Variants in PLCH2 observed in about 807,000 individuals in gnomAD.
The protein encoded by PLCH2 is phospholipase C eta 2.
In PLCH2, 98 loss-of-function variants were observed where a neutral mutation model predicts 134.7. That is an observed-to-expected ratio of 0.73 (90% CI 0.62 to 0.86). PLCH2 has a LOEUF of 0.86. PLCH2 is among the 40% of genes least tolerant of loss of function. PLCH2 has a pLI of 0.00. For missense variants in PLCH2, 1,994 were observed against 1,986.6 expected (o/e 1.00, Z -0.07); for synonymous variants, 974 against 827.5 (o/e 1.18, Z -3.04).
At chr1:2,481,297 G>T (rs1479544179) in intron 4 of PLCH2, among the ~76,000 whole-genome samples, 1 of 152,232 alleles carries the variant, frequency 6.6e-6, no homozygotes, top group Non-Finnish European at 1.5e-5. Context: ...ACACTCTGGG[G>T]ACTGCCCGGG....
Position 2,451,748 on chromosome 1 carries a change from G to A in PLCH2, c.115+21119G>A, listed in dbSNP as rs1320376270. Among the ~76,000 whole-genome samples, 5 of 152,176 alleles carry A rather than the reference G, an allele frequency of 3.3e-5. 1 individual carries two copies. Among genetic ancestry groups the A allele is most frequent in the Non-Finnish European group, 7.3e-5 (5 of 68,030 alleles). The stretch of plus-strand genomic sequence containing the variant: ...AATGGGACCCCTCCCTGGGGGCTGG[G>A]CAGCGAGTTGGCCCCACCGGCCTGG... On this transcript the variant is annotated intron_variant, in intron 2 of 3. Transcript: ENST00000609981.
Position 2,489,864 on chromosome 1 carries a change from G to A in PLCH2, c.1512G>A (p.Gly504=), listed in dbSNP as rs1642474347. The A allele has an allele frequency of 6.2e-7, 1 of 1,608,388 alleles. No individual in the cohort carries two copies. The change falls in exon 10 of 22, where the codon GGG becomes GGA. Residue 504 remains glycine, a synonymous_variant. Coordinates refer to ENST00000378486, the MANE Select transcript of PLCH2 (RefSeq NM_014638.4). ...ACGATGACTGCAAGCTCCTCAATGGGGATGTGAGTCGGGCTGGAGGTGGAG... is the reference window on the plus strand; with the variant it reads ...ACGATGACTGCAAGCTCCTCAATGGAGATGTGAGTCGGGCTGGAGGTGGAG... The part of the protein sequence containing the change: ...EIDDDCKLLN[G]DASTNRKRVE...
In PLCH2 at chr1:2,476,349, G is replaced by A. The variant is rs1484683494; in HGVS notation, c.-240G>A. The A allele has an allele frequency of 9.2e-6, 4 of 433,976 alleles. No homozygotes were observed. Among genetic ancestry groups the A allele is most frequent in the Non-Finnish European group, 1.6e-5 (4 of 246,942 alleles). 26.9% of individuals were successfully genotyped at this position (433,976 alleles called of 1,614,324 possible). ...TCAGGGATTCCTTGGTGGCCCTGGA[G>A]GGTGGATAGGCTGGCCTGGGGGCCA... On this transcript the variant is annotated 5_prime_UTR_variant, in exon 1 of 22. Transcript: ENST00000378486.
chr1:2,481,667 C>T (rs924902064), intron 4 of PLCH2, among the ~76,000 whole-genome samples: 5 of 152,236 alleles, frequency 3.3e-5, no homozygotes, highest in African/African-American at 4.8e-5. Context: ...AGGGCTGGCT[C>T]TGGAGAGGAA....
Position 2,484,452 on chromosome 1 carries a change from C to A in PLCH2, c.650C>A (p.Ala217Glu). 6.2e-7 allele frequency: 1 copy of A among 1,612,996 alleles called. No homozygotes were observed. Among genetic ancestry groups the A allele is most frequent in the South Asian group, 1.1e-5 (1 of 91,066 alleles). Residue 217 changes from alanine to glutamate, a missense_variant, in exon 5 of 22, where the codon GCG becomes GAG. Coordinates refer to ENST00000378486, the MANE Select transcript of PLCH2 (RefSeq NM_014638.4). ...ACCCAAGGCCTTGCATTGCAGGAAG[C>A]GGACACGGATGACCACCAAGGGACG... is the stretch of plus-strand genomic sequence containing the variant. ...RQRVKQMFRE[A>E]DTDDHQGTLG...
Position 2,477,929 on chromosome 1 carries a change from C to T in PLCH2, c.125-547C>T, listed in dbSNP as rs375531202. Among the ~76,000 whole-genome samples, 56 of 152,290 alleles carry T rather than the reference C, an allele frequency of 3.7e-4. No homozygotes were observed. The East Asian group carries it at 3.9e-3, about 10-fold the overall frequency. Reference sequence around the variant, plus strand: ...CCCAGGAGCCACCTGTGGCCAGGGGCGGGGGCAGGGGCATGGGGTTGCTGC... The same window carrying T: ...CCCAGGAGCCACCTGTGGCCAGGGGTGGGGGCAGGGGCATGGGGTTGCTGC... On this transcript the variant is annotated intron_variant, in intron 1 of 21. Transcript: ENST00000378486.
Position 2,487,721 on chromosome 1 carries a change from G to A in PLCH2, c.1235+3G>A. ...AAATATGCCTTCATCAAGAATGAGT[G>A]AGTGGCTGGGCCTAGCGGGGCTGGC... On this transcript the variant is annotated splice_donor_region_variant and intron_variant, in intron 8 of 21. Transcript: ENST00000378486. 6.2e-7 allele frequency: 1 copy of A among 1,612,570 alleles called. No homozygotes were observed. Among genetic ancestry groups the A allele is most frequent in the East Asian group, 2.2e-5 (1 of 44,884 alleles).
rs537201468 is a variant in PLCH2 at position 2,429,422 on chromosome 1, AAAAGGTG to A, written c.-177-915_-177-909del. On this transcript the variant is annotated intron_variant, in intron 1 of 3. Coordinates refer to the PLCH2 transcript ENST00000609981. ...CCTCCCTGAGGGGCAGGCACCAAGG[AAAAGGTG>A]GCCAGAAAGGCTCTGAAAGGAGCTG... Among the ~76,000 whole-genome samples the A allele has an allele frequency of 3.2e-4, 48 of 152,198 alleles. 1 individual carries two copies. In the South Asian group the frequency reaches 7.7e-3, roughly 24 times the overall value.
chr1:2,446,579 A>G (rs893064087), intron 2 of PLCH2, among the ~76,000 whole-genome samples: 2 of 152,244 alleles, frequency 1.3e-5, no homozygotes, highest in Non-Finnish European at 2.9e-5. Flanking sequence ...TTGGAGGCAG[A>G]GGGAGGAAGG....
At chr1:2,435,454 T>TGGCTGGAGGCTGGAGGCTGGA (rs58056215) in intron 2 of PLCH2, among the ~76,000 whole-genome samples, 1 of 150,738 alleles carries the variant, frequency 6.6e-6, no homozygotes, top group Non-Finnish European at 1.5e-5. Flanking sequence ...AGGTTCCAAA[T>TGGCTGGAGGCTGGAGGCTGGA]GGCTGGAGGC....
chr1:2,453,875 G>A lies in PLCH2; in HGVS notation c.115+23246G>A, dbSNP rs1640360499. 3.3e-5 allele frequency among the ~76,000 whole-genome samples: 5 copies of A among 152,188 alleles called. No homozygotes were observed. In the South Asian group the frequency reaches 1.0e-3, roughly 32 times the overall value. ...CCAGGACTTTGGGCAACGGTGGCGGGGGCTGCTGGAGGGGCCTGGCCTGCG... is the reference window on the plus strand; with the variant it reads ...CCAGGACTTTGGGCAACGGTGGCGGAGGCTGCTGGAGGGGCCTGGCCTGCG... On this transcript the variant is annotated intron_variant, in intron 2 of 3. Coordinates refer to the PLCH2 transcript ENST00000609981.
intron 2 of PLCH2, among the ~76,000 whole-genome samples, chr1:2,436,438 T>C (rs201004008): frequency 9.3e-5 from 2 of 21,394 alleles, no homozygotes; most frequent in African/African-American, 3.4e-4. Context: ...TTCTCCCTCC[T>C]CCCTTCCTCC....
intron 2 of PLCH2, among the ~76,000 whole-genome samples, chr1:2,447,601 C>CT (rs1640001415): frequency 6.6e-6 from 1 of 152,226 alleles, no homozygotes; most frequent in Non-Finnish European, 1.5e-5. Flanking sequence ...GCTGCTGACC[C>CT]TGGAGAGACT....
At chr1:2,480,402 A>G in intron 4 of PLCH2, 90 bp downstream of exon 4, 2 of 1,422,076 alleles carry the variant, frequency 1.4e-6, no homozygotes, top group Non-Finnish European at 1.9e-6. Context: ...GCCCTGACTG[A>G]GCTGGAGGGG....
At chr1:2,499,014 G>A (rs1643059501) in intron 18 of PLCH2, 70 bp from the exon 19 acceptor site, 3 of 1,529,162 alleles carry the variant, frequency 2.0e-6, no homozygotes, top group South Asian at 1.2e-5. Flanking sequence ...GTGGGCCGGG[G>A]GCTCCAGGCT....
intron 6 of PLCH2, 48 bp from the exon 7 acceptor site, chr1:2,487,125 G>A (rs1217150943): frequency 7.9e-6 from 12 of 1,521,716 alleles, no homozygotes; most frequent in South Asian, 1.2e-5. Flanking sequence ...GTCATGAGAC[G>A]AGGCTGGTGG....
At chr1:2,431,172 A>G (rs1639052355) in intron 2 of PLCH2, among the ~76,000 whole-genome samples, 1 of 150,462 alleles carries the variant, frequency 6.6e-6, no homozygotes, top group Non-Finnish European at 1.5e-5. Context: ...GCACACCGCT[A>G]TCTGCCGCTT....
upstream of PLCH2, among the ~76,000 whole-genome samples, chr1:2,471,633 G>T (rs1427793792): frequency 6.6e-6 from 1 of 152,216 alleles, no homozygotes. Context: ...GGGAGCATGA[G>T]CCTGGCTGCT....
At chr1:2,454,884 G>A (rs1223539105) in intron 2 of PLCH2, among the ~76,000 whole-genome samples, 1 of 152,154 alleles carries the variant, frequency 6.6e-6, no homozygotes, top group Non-Finnish European at 1.5e-5. Context: ...CGCGGCTCAG[G>A]AGCCCCTTGG....
Sources: allele counts gnomAD v4.1 joint callset (sites outside exome capture counted in the v4.1 genomes callset), GRCh38; gene constraint gnomAD v4.1.1; transcripts MANE v1.5; gene names NCBI Gene and HGNC (gene_info 2026-07-23, HGNC 2026-07-21).